QTGAL: variants seen among roughly 807,000 people sequenced by gnomAD.
QTGAL encodes the protein BGnT-like protein 1.
chr17:82,954,273 G>T, the QTGAL span, among the ~76,000 whole-genome samples: 1 of 152,094 alleles, frequency 6.6e-6, no homozygotes, highest in African/African-American at 2.4e-5. Context: ...AACTCCTTAA[G>T]CTGATAAGCA....
the QTGAL span, among the ~76,000 whole-genome samples, chr17:82,953,918 A>G: frequency 6.6e-6 from 1 of 152,252 alleles, no homozygotes; most frequent in African/African-American, 2.4e-5. Context: ...ATCTCAACAG[A>G]TGCAGAAAAG....
the QTGAL span, among the ~76,000 whole-genome samples, chr17:83,017,486 G>C: frequency 1.3e-5 from 2 of 152,058 alleles, no homozygotes; most frequent in African/African-American, 2.4e-5. Context: ...CACCGAGTAT[G>C]GTGCTGCACG....
chr17:82,950,935 C>A, the QTGAL span, among the ~76,000 whole-genome samples: 28 of 152,250 alleles, frequency 1.8e-4, no homozygotes, highest in Admixed American at 3.3e-4. Flanking sequence ...GATTTAGCCT[C>A]ATTCCTAAGA....
At chr17:83,046,932 C>G in the QTGAL span, among the ~76,000 whole-genome samples, 1 of 152,186 alleles carries the variant, frequency 6.6e-6, no homozygotes, top group African/African-American at 2.4e-5. Flanking sequence ...CACAGAGGAA[C>G]GTTAAAACGT....
the QTGAL span, among the ~76,000 whole-genome samples, chr17:83,007,418 C>T: frequency 2.0e-5 from 3 of 152,174 alleles, no homozygotes; most frequent in East Asian, 1.9e-4. Context: ...TACTGTCTCA[C>T]GTTTGACTGC....
the QTGAL span, among the ~76,000 whole-genome samples, chr17:82,959,384 G>C: frequency 7.0e-6 from 1 of 142,650 alleles, no homozygotes; most frequent in South Asian, 2.3e-4. Flanking sequence ...TGTGCAGTGA[G>C]CGTGTGCAGT....
At chr17:82,970,277 C>G in the QTGAL span, among the ~76,000 whole-genome samples, 1 of 152,244 alleles carries the variant, frequency 6.6e-6, no homozygotes, top group Non-Finnish European at 1.5e-5. Flanking sequence ...CCGAGGCCCC[C>G]TGAGAGGCTG....
At chr17:83,011,205 A>G in the QTGAL span, among the ~76,000 whole-genome samples, 1 of 152,248 alleles carries the variant, frequency 6.6e-6, no homozygotes, top group Non-Finnish European at 1.5e-5. Flanking sequence ...AGGAGGAGGA[A>G]GGACGGGGGT....
chr17:83,009,205 C>T, the QTGAL span, among the ~76,000 whole-genome samples: 15 of 152,026 alleles, frequency 9.9e-5, no homozygotes, highest in African/African-American at 2.9e-4. Flanking sequence ...GGGTGGATCA[C>T]GAGGTCAGGA....
the QTGAL span, among the ~76,000 whole-genome samples, chr17:82,989,485 A>G: frequency 1.7e-5 from 2 of 119,150 alleles, no homozygotes; most frequent in South Asian, 5.9e-4. Context: ...CTGCACATGT[A>G]TTCTGGAACT....
chr17:83,048,518 C>G, the QTGAL span: 2 of 1,613,912 alleles, frequency 1.2e-6, no homozygotes, highest in Non-Finnish European at 1.7e-6. Flanking sequence ...CACGTGGACA[C>G]CAGAATCTTC....
the QTGAL span, among the ~76,000 whole-genome samples, chr17:82,995,385 C>CT: frequency 2.6e-3 from 364 of 141,218 alleles, 2 homozygotes; most frequent in East Asian, 6.6e-3. Flanking sequence ...ATTTCTTTTT[C>CT]TTTTTTTTTT....
chr17:82,964,255 CAAAAAAAAA>C, the QTGAL span, among the ~76,000 whole-genome samples: 5 of 72,466 alleles, frequency 6.9e-5, no homozygotes, highest in Admixed American at 5.6e-4. Flanking sequence ...GACCCTGTCT[CAAAAAAAAA>C]AAAAAAAAAA....
the QTGAL span, among the ~76,000 whole-genome samples, chr17:83,045,519 C>T: frequency 2.0e-5 from 3 of 152,130 alleles, no homozygotes; most frequent in East Asian, 1.9e-4. Context: ...TTGATTTAGC[C>T]GTGGCTTCTT....
chr17:82,991,635 C>T, the QTGAL span, among the ~76,000 whole-genome samples: 1 of 152,170 alleles, frequency 6.6e-6, no homozygotes, highest in Non-Finnish European at 1.5e-5. Context: ...AAATACCTAT[C>T]TCTGCAATGC....
chr17:82,994,279 A>C, the QTGAL span, among the ~76,000 whole-genome samples: 1 of 152,118 alleles, frequency 6.6e-6, no homozygotes, highest in Non-Finnish European at 1.5e-5. Flanking sequence ...AAGAGAGAAC[A>C]CCCAAATAAA....
At chr17:83,048,396 C>A in the QTGAL span, 3 of 1,321,458 alleles carry the variant, frequency 2.3e-6, no homozygotes, top group Non-Finnish European at 3.3e-6. Context: ...ATTTGAACAA[C>A]ATGAAACTGT....
chr17:83,029,513 G>A, the QTGAL span, among the ~76,000 whole-genome samples: 1 of 152,188 alleles, frequency 6.6e-6, no homozygotes, highest in Admixed American at 6.5e-5. Flanking sequence ...TGAGAAGACC[G>A]AGCTGGCTCT....
chr17:82,989,811 A>G, the QTGAL span, among the ~76,000 whole-genome samples: 1 of 152,230 alleles, frequency 6.6e-6, no homozygotes, highest in East Asian at 1.9e-4. Flanking sequence ...AATAGAAAAA[A>G]CAAACAAAAA....
Sources: gnomAD v4.1 joint callset for allele counts (sites outside exome capture counted in the v4.1 genomes callset) on GRCh38, gnomAD v4.1.1 for gene constraint, MANE v1.5 for transcripts, NCBI Gene and HGNC (gene_info 2026-07-23, HGNC 2026-07-21) for gene names.